The following BPGM variants were observed in gnomAD, a reference collection of about 807,000 sequenced individuals.
BPGM encodes the protein bisphosphoglycerate mutase, also known as 2,3-bisphosphoglycerate mutase, erythrocyte.
A neutral mutation model predicts 21.6 loss-of-function variants in BPGM; 15 were observed. The observed-to-expected ratio is 0.70, with a 90% CI of 0.47 to 1.07. The LOEUF (loss-of-function observed/expected upper bound fraction) is 1.07. Among genes scored for constraint, BPGM ranks in the 50% least tolerant of loss-of-function variants. BPGM has a pLI of 0.00. For missense variants in BPGM, 273 were observed against 319.0 expected (o/e 0.86, Z 1.10); for synonymous variants, 113 against 116.2 (o/e 0.97, Z 0.18).
Position 134,678,875 on chromosome 7 carries a change from C to G in BPGM, c.624C>G (p.Ile208Met), listed in dbSNP as rs1484801554. 5 of 1,613,918 alleles carry G rather than the reference C, an allele frequency of 3.1e-6. No homozygotes were observed. Among genetic ancestry groups the G allele is most frequent in the Non-Finnish European group, 4.2e-6 (5 of 1,179,914 alleles). The part of the protein sequence containing the change: ...HLEGISDEDI[I>M]NITLPTGVPI... ...CAGGTATCTCAGATGAAGACATCAT[C>G]AACATTACTCTTCCTACTGGAGTCC... Residue 208 changes from isoleucine to methionine, a missense_variant, in exon 3 of 3, where the codon ATC becomes ATG. Physicochemically the swap from Ile to Met is conservative, Grantham distance 10. Transcript: ENST00000344924.
intron 2 of BPGM, among the ~76,000 whole-genome samples, chr7:134,671,003 G>A (rs753235075): frequency 3.3e-5 from 5 of 152,112 alleles, no homozygotes; most frequent in Non-Finnish European, 7.4e-5. Context: ...ATTGGCACTA[G>A]ATGTAAACAG....
At chr7:134,656,580 C>T (rs1795642523) in intron 1 of BPGM, among the ~76,000 whole-genome samples, 1 of 152,152 alleles carries the variant, frequency 6.6e-6, no homozygotes, top group Admixed American at 6.5e-5. Flanking sequence ...CACATGGTGG[C>T]AGCAAGGAGA....
At chr7:134,657,538 A>T (rs141260892) in intron 1 of BPGM, among the ~76,000 whole-genome samples, 3 of 152,230 alleles carry the variant, frequency 2.0e-5, no homozygotes, top group African/African-American at 7.2e-5. Flanking sequence ...AAGCTCCCCA[A>T]CTCCCTAGGA....
At chr7:134,666,899 T>C (rs1795829095) in intron 2 of BPGM, among the ~76,000 whole-genome samples, 2 of 152,216 alleles carry the variant, frequency 1.3e-5, no homozygotes, top group South Asian at 2.1e-4. Context: ...TCAGAAGACA[T>C]AGTATGTCAT....
At chr7:134,662,153 A>T (rs1795747303) in intron 2 of BPGM, 45 bp downstream of exon 2, 1 of 1,611,734 alleles carries the variant, frequency 6.2e-7, no homozygotes, top group Non-Finnish European at 8.5e-7. Context: ...CAAGTGTGAT[A>T]TCTAGGCCTT....
intron 1 of BPGM, among the ~76,000 whole-genome samples, chr7:134,659,373 G>A (rs1251926969): frequency 4.9e-5 from 1 of 20,224 alleles, no homozygotes; most frequent in Non-Finnish European, 9.4e-5. Flanking sequence ...ACACCCCTCC[G>A]TGTGTGTGTG....
intron 2 of BPGM, among the ~76,000 whole-genome samples, chr7:134,677,020 G>A (rs1795991460): frequency 6.6e-6 from 1 of 152,222 alleles, no homozygotes; most frequent in African/African-American, 2.4e-5. Flanking sequence ...CTCAGCAGCT[G>A]TAGTTTGTGA....
intron 2 of BPGM, among the ~76,000 whole-genome samples, chr7:134,674,269 G>A (rs529118095): frequency 7.9e-5 from 12 of 152,114 alleles, no homozygotes; most frequent in African/African-American, 2.2e-4. Context: ...TATGCAATTC[G>A]CCATTTAAAG....
chr7:134,647,035 C>G (rs1205444718), intron 1 of BPGM, 98 bp downstream of exon 1: 1 of 154,578 alleles, frequency 6.5e-6, no homozygotes, highest in Admixed American at 6.5e-5. Flanking sequence ...TTCTTTACTT[C>G]CCCCGGTTTA....
intron 1 of BPGM, among the ~76,000 whole-genome samples, chr7:134,660,066 C>T (rs1005621817): frequency 3.9e-5 from 6 of 152,178 alleles, no homozygotes; most frequent in Non-Finnish European, 5.9e-5. Context: ...CATGACGATA[C>T]TTGCAAATCA....
rs1211009775 is a variant in BPGM, at chr7:134,674,867, A to G, written c.602-3986A>G. Reference sequence around the variant, plus strand: ...TTCGAAAGAGGCTATAGCCTTTTGCATACCTGATTTTACAGTGTATTATGA... The same window carrying G: ...TTCGAAAGAGGCTATAGCCTTTTGCGTACCTGATTTTACAGTGTATTATGA... On this transcript the variant is annotated intron_variant, in intron 2 of 2. Transcript: ENST00000344924. Among the ~76,000 whole-genome samples the G allele has an allele frequency of 3.3e-5, 5 of 152,208 alleles. No homozygotes were observed. The East Asian group carries it at 9.6e-4, about 29-fold the overall frequency.
Position 134,661,567 on chromosome 7 carries a change from C to A in BPGM, c.60C>A (p.Asn20Lys), listed in dbSNP as rs1178351409. The change falls in exon 2 of 3, where the codon AAC (asparagine) becomes AAA (lysine). Residue 20 changes from asparagine (N) to lysine (K), a missense_variant. By Grantham distance (94) the Asn-to-Lys change is moderately conservative (BLOSUM62 0). Transcript: ENST00000344924. The surrounding 1 kb of genome is among the most constrained non-coding windows in gnomAD (Gnocchi z 4.6). The part of the protein sequence containing the change: ...RHGEGAWNKE[N>K]RFCSWVDQKL... ...GAGAGGGTGCTTGGAATAAGGAGAACCGTTTTTGTAGCTGGGTGGATCAGA... is the reference window on the plus strand; with the variant it reads ...GAGAGGGTGCTTGGAATAAGGAGAAACGTTTTTGTAGCTGGGTGGATCAGA... The A allele has an allele frequency of 6.2e-7, 1 of 1,614,098 alleles. No individual in the cohort carries two copies. The highest frequency in any genetic ancestry group is 1.7e-5 in the Admixed American group (1 of 60,008).
intron 1 of BPGM, among the ~76,000 whole-genome samples, chr7:134,651,692 A>T (rs1476202638): frequency 6.6e-6 from 1 of 152,188 alleles, no homozygotes; most frequent in African/African-American, 2.4e-5. Context: ...AAGAATGCTA[A>T]TCTTGAATCA....
intron 2 of BPGM, among the ~76,000 whole-genome samples, chr7:134,665,865 ATTTTC>A (rs144380412): frequency 0.25 from 37,230 of 150,216 alleles, 5,595 homozygotes; most frequent in African/African-American, 0.42. Flanking sequence ...GATTAATGAC[ATTTTC>A]TTTTCTTTTC....
At chr7:134,647,118 C>T (rs1354742107) in intron 1 of BPGM, 181 bp downstream of exon 1, 6 of 152,972 alleles carry the variant, frequency 3.9e-5, no homozygotes, top group African/African-American at 1.4e-4. Context: ...GGTCCCTTTC[C>T]CTTGTCCCTA....
chr7:134,665,820 G>A (rs914442038), intron 2 of BPGM, among the ~76,000 whole-genome samples: 7 of 151,722 alleles, frequency 4.6e-5, no homozygotes, highest in African/African-American at 1.7e-4. Flanking sequence ...TAAGTTGGAA[G>A]TATGAAACTG....
rs752985789 is a variant in BPGM at position 134,661,908 on chromosome 7, A to G, written c.401A>G (p.Gln134Arg). 6.2e-7 allele frequency: 1 copy of G among 1,612,234 alleles called. No homozygotes were observed. Among genetic ancestry groups the G allele is most frequent in the Non-Finnish European group, 8.5e-7 (1 of 1,178,554 alleles). The change falls in exon 2 of 3, where the codon CAA becomes CGA. Residue 134 changes from glutamine to arginine, a missense_variant. Transcript: ENST00000344924. This position sits in a 1 kb window ranked among gnomAD's most constrained non-coding sequence, Gnocchi z 4.6. Reference protein sequence around the residue: ...PPIEESHPYYQEIYNDRRYKV... With the variant: ...PPIEESHPYYREIYNDRRYKV... ...ATTGAGGAGTCTCATCCTTACTACC[A>G]AGAAATCTACAACGACCGGAGGTAT...
At chr7:134,678,436 G>A (rs1796012524) in intron 2 of BPGM, among the ~76,000 whole-genome samples, 1 of 152,262 alleles carries the variant, frequency 6.6e-6, no homozygotes, top group East Asian at 1.9e-4. Context: ...AGAGATTAGC[G>A]AAAAGTCCTA....
intron 1 of BPGM, among the ~76,000 whole-genome samples, chr7:134,653,635 A>T (rs778807103): frequency 6.6e-5 from 10 of 152,124 alleles, no homozygotes; most frequent in Non-Finnish European, 1.2e-4. Context: ...TACAGTGGCC[A>T]TATAATTTTC....
Sources: allele counts gnomAD v4.1 joint callset (sites outside exome capture counted in the v4.1 genomes callset), GRCh38; gene constraint gnomAD v4.1.1; non-coding constraint Gnocchi (gnomAD v3.1); transcripts MANE v1.5; gene names NCBI Gene and HGNC (gene_info 2026-07-23, HGNC 2026-07-21).